The following TSPAN5 variants were observed in gnomAD, a reference collection of about 807,000 sequenced individuals.
The protein encoded by TSPAN5 is tetraspanin-5.
Under a neutral mutation model 37.1 loss-of-function variants are expected in TSPAN5, and 10 were observed. That is an observed-to-expected ratio of 0.27 (90% confidence interval 0.17 to 0.46). The LOEUF (loss-of-function observed/expected upper bound fraction) is 0.46. TSPAN5 is among the 20% of genes least tolerant of loss of function. The probability of loss-of-function intolerance (pLI) is 1.00; values close to 1 mark genes in which losing one functional copy is unlikely to be tolerated. For synonymous variants in TSPAN5, 110 were observed against 118.9 expected, an observed-to-expected ratio of 0.93 and a Z score of 0.48; for missense variants, 195 against 326.6, an observed-to-expected ratio of 0.60 and a Z score of 3.11.
chr4:98,493,013 G>GAA (rs912783826), intron 2 of TSPAN5, among the ~76,000 whole-genome samples: 6 of 151,876 alleles, frequency 4.0e-5, no homozygotes, highest in African/African-American at 1.5e-4. Context: ...CCCATCTCTA[G>GAA]AAAAAATTTA....
At chr4:98,621,296 AT>A (rs1241043063) in intron 1 of TSPAN5, among the ~76,000 whole-genome samples, 1 of 150,830 alleles carries the variant, frequency 6.6e-6, no homozygotes, top group Non-Finnish European at 1.5e-5. Flanking sequence ...GGGGCAATAC[AT>A]TTCTGTAGTT....
chr4:98,574,361 C>T (rs1755188403), intron 1 of TSPAN5: 1 of 152,194 alleles, frequency 6.6e-6, no homozygotes, highest in South Asian at 2.1e-4. Context: ...AGAGCACTTA[C>T]CTTTCTCACG....
At chr4:98,477,685 T>A (rs1752736707) in intron 5 of TSPAN5, among the ~76,000 whole-genome samples, 1 of 151,038 alleles carries the variant, frequency 6.6e-6, no homozygotes, top group African/African-American at 2.4e-5. Flanking sequence ...TTTTAAGAAT[T>A]GTGGTCTCAC....
chr4:98,502,052 G>T (rs913332815), intron 2 of TSPAN5, among the ~76,000 whole-genome samples: 2 of 152,172 alleles, frequency 1.3e-5, no homozygotes, highest in South Asian at 4.1e-4. Context: ...TTTGCTGATG[G>T]GCTGAATATG....
intron 1 of TSPAN5, among the ~76,000 whole-genome samples, chr4:98,582,081 C>T (rs1276938576): frequency 6.6e-6 from 1 of 152,062 alleles, no homozygotes; most frequent in African/African-American, 2.4e-5. Context: ...ATGGAGGCCC[C>T]GAGTTTTGGC....
At chr4:98,512,154 A>G (rs1256374603) in intron 1 of TSPAN5, among the ~76,000 whole-genome samples, 2 of 152,152 alleles carry the variant, frequency 1.3e-5, no homozygotes, top group Non-Finnish European at 2.9e-5. Context: ...CGGAGGTTGC[A>G]GTGAGCTGAG....
At chr4:98,473,012 A>G (rs540611187) in intron 7 of TSPAN5, among the ~76,000 whole-genome samples, 1 of 152,264 alleles carries the variant, frequency 6.6e-6, no homozygotes, top group East Asian at 1.9e-4. Flanking sequence ...CTATTAATTT[A>G]TTCCTTTTGA....
rs369629116 is a variant in TSPAN5 at position 98,527,941 on chromosome 4, T to C, written c.82-20213A>G. ...AGCTATTTCTGATGAATATGAAATA[T>C]CTGGGTATTGAGCAATGAAAGACAA... is the stretch of plus-strand genomic sequence containing the variant. On this transcript the variant is annotated intron_variant, in intron 1 of 7. Transcript: ENST00000305798. Among the ~76,000 whole-genome samples, 7 of 152,328 alleles carry C rather than the reference T, an allele frequency of 4.6e-5. No homozygotes were observed. In the East Asian group the frequency reaches 7.7e-4, roughly 17 times the overall value.
At chr4:98,619,273 G>A (rs530584272) in intron 1 of TSPAN5, among the ~76,000 whole-genome samples, 11 of 152,216 alleles carry the variant, frequency 7.2e-5, no homozygotes, top group South Asian at 6.2e-4. Context: ...TATTGCAGGC[G>A]TCAATATGAC....
intron 1 of TSPAN5, among the ~76,000 whole-genome samples, chr4:98,607,860 G>A (rs1048449497): frequency 2.6e-5 from 4 of 151,838 alleles, no homozygotes; most frequent in Non-Finnish European, 4.4e-5. Flanking sequence ...ACAAGTGCCC[G>A]CCACCATGCC....
intron 7 of TSPAN5, among the ~76,000 whole-genome samples, chr4:98,473,172 C>G (rs1053571483): frequency 1.3e-5 from 2 of 152,164 alleles, no homozygotes; most frequent in African/African-American, 4.8e-5. Context: ...AACACTTTCT[C>G]AATTCTTTTG....
At chr4:98,476,135 G>A (rs1752690239) in intron 7 of TSPAN5, 54 bp downstream of exon 7, 1 of 1,387,274 alleles carries the variant, frequency 7.2e-7, no homozygotes, top group Non-Finnish European at 1.0e-6. Context: ...TCCTGGCAAG[G>A]GCTCTCCCAG....
intron 1 of TSPAN5, among the ~76,000 whole-genome samples, chr4:98,551,940 T>A (rs1754627614): frequency 6.6e-6 from 1 of 152,158 alleles, no homozygotes; most frequent in African/African-American, 2.4e-5. Context: ...CTCAGGAGGT[T>A]GTGTCCCCAG....
chr4:98,482,024 A>G lies in TSPAN5; in HGVS notation c.431T>C (p.Ile144Thr). ...YRDDIDLQNL[I>T]DFTQEYWQCC... is the part of the protein sequence containing the mutation. ...ACTTACATATTCCTGGGTGAAGTCT[A>G]TGAGGTTTTGCAAATCAATGTCATC... Residue 144 changes from isoleucine (I) to threonine (T), a missense_variant, in exon 4 of 8, where the codon ATA (isoleucine) becomes ACA (threonine). Transcript: ENST00000305798. 1 of 1,614,058 alleles carries G rather than the reference A, an allele frequency of 6.2e-7. No individual in the cohort carries two copies. The highest frequency in any genetic ancestry group is 8.5e-7 in the Non-Finnish European group (1 of 1,179,970).
chr4:98,556,044 C>T (rs1325602122), intron 1 of TSPAN5, among the ~76,000 whole-genome samples: 2 of 119,274 alleles, frequency 1.7e-5, no homozygotes, highest in Non-Finnish European at 3.4e-5. Context: ...AGCACCCCCA[C>T]ACACACACAC....
At chr4:98,555,190 T>A (rs1361179569) in intron 1 of TSPAN5, among the ~76,000 whole-genome samples, 1 of 152,176 alleles carries the variant, frequency 6.6e-6, no homozygotes, top group Non-Finnish European at 1.5e-5. Flanking sequence ...TCCATCAGTA[T>A]GTGCACCATA....
rs1378288519 is a variant in TSPAN5, at chr4:98,658,292, G to C, written c.-66C>G. On this transcript the variant is annotated 5_prime_UTR_variant, in exon 1 of 8. Coordinates refer to ENST00000305798, the MANE Select transcript of TSPAN5 (RefSeq NM_005723.4). Reference sequence around the variant, plus strand: ...TTGGAGCTCCGAAGCACCGTTGCTCGGAGCAGCCCGGCGGGGAGCAGGAGC... The same window carrying C: ...TTGGAGCTCCGAAGCACCGTTGCTCCGAGCAGCCCGGCGGGGAGCAGGAGC... 2.2e-6 allele frequency: 3 copies of C among 1,340,260 alleles called. No individual in the cohort carries two copies. Among genetic ancestry groups the C allele is most frequent in the Non-Finnish European group, 3.2e-6 (3 of 931,252 alleles). The allele number at this position is 1,340,260 out of a possible 1,614,324, so 83.0% of individuals were successfully genotyped here. A position where few individuals can be genotyped will look rare whatever the true frequency, so the allele number is the denominator to read the frequency against.
At chr4:98,531,104 G>A (rs781254466) in intron 1 of TSPAN5, among the ~76,000 whole-genome samples, 1 of 152,092 alleles carries the variant, frequency 6.6e-6, no homozygotes, top group Non-Finnish European at 1.5e-5. Context: ...AAGTTCCGGA[G>A]TACATGTGCA....
chr4:98,540,428 C>T (rs1457901724), intron 1 of TSPAN5, among the ~76,000 whole-genome samples: 1 of 152,108 alleles, frequency 6.6e-6, no homozygotes, highest in Non-Finnish European at 1.5e-5. Flanking sequence ...ACCTCCGCCT[C>T]CCAGGTTCAA....
Sources: gnomAD v4.1 joint callset for allele counts (sites outside exome capture counted in the v4.1 genomes callset) on GRCh38, gnomAD v4.1.1 for gene constraint, MANE v1.5 for transcripts, NCBI Gene and HGNC (gene_info 2026-07-23, HGNC 2026-07-21) for gene names.